Variants in TLE1 observed in about 807,000 individuals in gnomAD.
TLE1 encodes TLE family member 1, transcriptional corepressor.
TLE1 carries 21 observed loss-of-function variants against 89.8 expected under a neutral mutation model. The ratio of observed to expected loss-of-function variants is 0.23; its 90% confidence interval spans 0.17 to 0.34. The LOEUF (loss-of-function observed/expected upper bound fraction) is 0.34. Among genes scored for constraint, TLE1 ranks in the 10% least tolerant of loss-of-function variants. The pLI is 1.00. For synonymous variants in TLE1, 447 were observed against 407.6 expected (o/e 1.10, Z -1.16); for missense variants, 795 against 1,031.2 (o/e 0.77, Z 3.14).
chr9:81,656,434 CCA>C (rs1830156852), intron 4 of TLE1, among the ~76,000 whole-genome samples: 1 of 152,170 alleles, frequency 6.6e-6, no homozygotes, highest in African/African-American at 2.4e-5. Context: ...TTGAAGGTTT[CCA>C]GTTTTAAAAA....
intron 8 of TLE1, among the ~76,000 whole-genome samples, chr9:81,622,744 C>A (rs1410353213): frequency 6.6e-6 from 1 of 152,138 alleles, no homozygotes; most frequent in African/African-American, 2.4e-5. Context: ...AAAATGGGCC[C>A]CATTCAACAG....
intron 14 of TLE1, 37 bp from the exon 15 acceptor site, chr9:81,593,311 C>T: frequency 6.3e-7 from 1 of 1,574,956 alleles, no homozygotes; most frequent in Non-Finnish European, 8.7e-7. Context: ...ACAGAAAACA[C>T]ATTTACAGAG....
chr9:81,614,397 G>A (rs1824142553), intron 11 of TLE1, among the ~76,000 whole-genome samples: 1 of 152,168 alleles, frequency 6.6e-6, no homozygotes, highest in South Asian at 2.1e-4. Context: ...ACCCACCAGT[G>A]CAGATCAGAG....
intron 6 of TLE1, among the ~76,000 whole-genome samples, chr9:81,640,074 A>G (rs570114326): frequency 2.6e-5 from 4 of 152,034 alleles, no homozygotes; most frequent in African/African-American, 9.7e-5. Flanking sequence ...TGGTGCATCT[A>G]ATGGGTGAAG....
chr9:81,614,158 T>C (rs1163101811), intron 11 of TLE1, among the ~76,000 whole-genome samples: 1 of 152,068 alleles, frequency 6.6e-6, no homozygotes, highest in Non-Finnish European at 1.5e-5. Context: ...TCCACCCGCC[T>C]TGGCCTCCCA....
At chr9:81,638,399 A>T (rs1038976559) in intron 6 of TLE1, among the ~76,000 whole-genome samples, 3 of 152,180 alleles carry the variant, frequency 2.0e-5, no homozygotes, top group Admixed American at 2.0e-4. Flanking sequence ...AGAGGGTCCA[A>T]ATCTAGAAGA....
chr9:81,636,494 C>G (rs888946391), intron 6 of TLE1, among the ~76,000 whole-genome samples: 1 of 151,704 alleles, frequency 6.6e-6, no homozygotes, highest in African/African-American at 2.4e-5. Flanking sequence ...GCAAGTGCAG[C>G]GGGTAATTAA....
chr9:81,620,188 C>T (rs1398586237), intron 9 of TLE1, among the ~76,000 whole-genome samples: 1 of 152,130 alleles, frequency 6.6e-6, no homozygotes, highest in Non-Finnish European at 1.5e-5. Context: ...CCGCACAGCC[C>T]ACAAAGTCAG....
At position 81,655,661 on chromosome 9, in the gene TLE1, G is replaced by A. The variant is rs145505174; in HGVS notation, c.235-1625C>T. Among the ~76,000 whole-genome samples, 8 of 152,038 alleles carry A rather than the reference G, an allele frequency of 5.3e-5. No homozygotes were observed. In the East Asian group the frequency reaches 1.6e-3, roughly 30 times the overall value. On this transcript the variant is annotated intron_variant, in intron 4 of 19. Transcript: ENST00000376499. ...ATCATTTTGTCAATGCTTACTAAAT[G>A]CCACCTATATTACTGAATTAAGCAA...
At chr9:81,595,583 C>T (rs2131867505) in intron 14 of TLE1, among the ~76,000 whole-genome samples, 1 of 152,174 alleles carries the variant, frequency 6.6e-6, no homozygotes, top group Non-Finnish European at 1.5e-5. Context: ...CTCTGGGAGG[C>T]CAAGGCGGGC....
At chr9:81,675,406 T>A (rs961292687) in intron 4 of TLE1, among the ~76,000 whole-genome samples, 7 of 152,066 alleles carry the variant, frequency 4.6e-5, no homozygotes, top group Admixed American at 1.3e-4. Flanking sequence ...GAGAGAAGCT[T>A]GTCATGCAAT....
At chr9:81,631,993 G>A (rs1340114161) in intron 8 of TLE1, among the ~76,000 whole-genome samples, 1 of 152,068 alleles carries the variant, frequency 6.6e-6, no homozygotes, top group Non-Finnish European at 1.5e-5. Flanking sequence ...TCCCAGCTGA[G>A]GCAGAAAAAT....
At chr9:81,610,963 T>A (rs915858580) in intron 13 of TLE1, among the ~76,000 whole-genome samples, 8 of 152,106 alleles carry the variant, frequency 5.3e-5, no homozygotes, top group East Asian at 1.9e-4. Context: ...CAGCCTCTCC[T>A]ACAAGTGCAA....
intron 14 of TLE1, among the ~76,000 whole-genome samples, chr9:81,594,744 C>A (rs531788510): frequency 6.6e-6 from 1 of 152,206 alleles, no homozygotes; most frequent in South Asian, 2.1e-4. Context: ...ATGTAAACAC[C>A]ATGAGTACTA....
At chr9:81,631,245 A>T (rs183272925) in intron 8 of TLE1, among the ~76,000 whole-genome samples, 17 of 152,340 alleles carry the variant, frequency 1.1e-4, no homozygotes, top group African/African-American at 4.1e-4. Context: ...CACCCACTCC[A>T]ATGAACCCAT....
intron 14 of TLE1, among the ~76,000 whole-genome samples, chr9:81,595,614 C>G (rs532944584): frequency 7.9e-5 from 12 of 152,166 alleles, no homozygotes; most frequent in Middle Eastern, 3.4e-3. Flanking sequence ...ATCAGGAGAT[C>G]AAGACCATCC....
At chr9:81,661,883 G>T (rs1222322695) in intron 4 of TLE1, among the ~76,000 whole-genome samples, 1 of 152,142 alleles carries the variant, frequency 6.6e-6, no homozygotes, top group Non-Finnish European at 1.5e-5. Flanking sequence ...AAAATCCAAT[G>T]ATGAAGCATC....
At chr9:81,639,593 T>G (rs560013549) in intron 6 of TLE1, among the ~76,000 whole-genome samples, 6 of 148,822 alleles carry the variant, frequency 4.0e-5, no homozygotes, top group East Asian at 4.0e-4. Context: ...TTTTTGTTTT[T>G]TTTTTTTTTG....
At chr9:81,647,903 T>G (rs1390916286) in intron 6 of TLE1, among the ~76,000 whole-genome samples, 6 of 152,162 alleles carry the variant, frequency 3.9e-5, no homozygotes, top group Admixed American at 3.9e-4. Flanking sequence ...AATATACAAC[T>G]GTGCCATTGT....
Sources: allele counts gnomAD v4.1 joint callset (sites outside exome capture counted in the v4.1 genomes callset), GRCh38; gene constraint gnomAD v4.1.1; transcripts MANE v1.5; gene names NCBI Gene and HGNC (gene_info 2026-07-23, HGNC 2026-07-21).